Variants in ITFG1 observed in about 807,000 individuals in gnomAD.
The protein encoded by ITFG1 is integrin alpha FG-GAP repeat containing 1, also known as T-cell immunomodulatory protein.
A neutral mutation model predicts 81.8 loss-of-function variants in ITFG1; 34 were observed. The observed-to-expected ratio is 0.42, with a 90% confidence interval of 0.32 to 0.55. The LOEUF (loss-of-function observed/expected upper bound fraction) is 0.55, where lower values mean the gene tolerates loss of function less well. Among genes scored for constraint, ITFG1 ranks in the 20% least tolerant of loss-of-function variants. The probability of loss-of-function intolerance (pLI) is 0.17; values close to 1 mark genes in which losing one functional copy is unlikely to be tolerated. For synonymous variants in ITFG1, 285 were observed against 270.6 expected (o/e 1.05, Z -0.52); for missense variants, 672 against 755.4 (o/e 0.89, Z 1.29).
chr16:47,268,066 AAAAT>A (rs1415016161), intron 10 of ITFG1, among the ~76,000 whole-genome samples: 1 of 152,084 alleles, frequency 6.6e-6, no homozygotes, highest in Non-Finnish European at 1.5e-5. Context: ...AAACAGGAAA[AAAAT>A]AGAGAAAAAT....
chr16:47,254,147 G>A (rs1303098401), intron 12 of ITFG1, among the ~76,000 whole-genome samples: 3 of 151,784 alleles, frequency 2.0e-5, no homozygotes, highest in African/African-American at 4.8e-5. Context: ...TCAAGCAGAA[G>A]CTAAGATGTT....
chr16:47,396,886 T>C (rs926562830), intron 6 of ITFG1, among the ~76,000 whole-genome samples: 1 of 152,102 alleles, frequency 6.6e-6, no homozygotes, highest in African/African-American at 2.4e-5. Flanking sequence ...CGAACTGAGC[T>C]GGCTGAGGTG....
At chr16:47,338,207 C>T (rs1381857752) in intron 8 of ITFG1, among the ~76,000 whole-genome samples, 4 of 152,126 alleles carry the variant, frequency 2.6e-5, no homozygotes, top group East Asian at 1.9e-4. Flanking sequence ...GTCAGGAGTT[C>T]GAGAACTGCC....
chr16:47,171,804 C>A (rs1473100363), intron 14 of ITFG1, among the ~76,000 whole-genome samples: 2 of 152,120 alleles, frequency 1.3e-5, no homozygotes, highest in Admixed American at 6.5e-5. Context: ...ACCATTCATG[C>A]AAAGTAGTGG....
At chr16:47,262,369 T>A (rs1435362529) in intron 10 of ITFG1, among the ~76,000 whole-genome samples, 1 of 152,242 alleles carries the variant, frequency 6.6e-6, no homozygotes, top group African/African-American at 2.4e-5. Context: ...AATTCTAATT[T>A]ATAAAAATTT....
At position 47,440,331 on chromosome 16, in the gene ITFG1, C is replaced by T. The variant is rs941340597; in HGVS notation, c.560+11065G>A. ...GAACTGAACTCAGCTCTGCACCAAG[C>T]GGACCTAATAGACATCTACAGAACT... On this transcript the variant is annotated intron_variant, in intron 5 of 17. Coordinates refer to ENST00000320640, the MANE Select transcript of ITFG1 (RefSeq NM_030790.5). 5.9e-5 allele frequency among the ~76,000 whole-genome samples: 9 copies of T among 152,250 alleles called. No homozygotes were observed. The South Asian group carries it at 1.0e-3, about 18-fold the overall frequency.
chr16:47,457,353 A>G (rs1020639445), intron 2 of ITFG1, among the ~76,000 whole-genome samples: 2 of 152,054 alleles, frequency 1.3e-5, no homozygotes, highest in Non-Finnish European at 2.9e-5. Context: ...ACTGTACATT[A>G]CTTGGTTCTG....
chr16:47,389,326 A>C (rs1968502257), intron 6 of ITFG1, among the ~76,000 whole-genome samples: 2 of 152,170 alleles, frequency 1.3e-5, no homozygotes, highest in South Asian at 4.1e-4. Flanking sequence ...ACTGATTTAA[A>C]AATGCAACTG....
At chr16:47,212,289 C>T (rs920752788) in intron 14 of ITFG1, among the ~76,000 whole-genome samples, 5 of 152,120 alleles carry the variant, frequency 3.3e-5, no homozygotes, top group African/African-American at 9.7e-5. Flanking sequence ...TTGTGGCTCA[C>T]TGTAACCTTG....
chr16:47,221,869 C>A (rs533449160), intron 13 of ITFG1, among the ~76,000 whole-genome samples: 1 of 152,160 alleles, frequency 6.6e-6, no homozygotes, highest in Non-Finnish European at 1.5e-5. Context: ...AGTTTATTTG[C>A]GTAGAGGTGT....
At position 47,338,486 on chromosome 16, in the gene ITFG1, C is replaced by A. The variant is rs141127001; in HGVS notation, c.803-24663G>T. ...AGCAAACGATGGGAGTGGGTGAGAACCTGATTTCCAGAGTTACATTATAAT... is the reference window on the plus strand; with the variant it reads ...AGCAAACGATGGGAGTGGGTGAGAAACTGATTTCCAGAGTTACATTATAAT... On this transcript the variant is annotated intron_variant, in intron 8 of 17. Coordinates refer to ENST00000320640, the MANE Select transcript of ITFG1 (RefSeq NM_030790.5). 5.3e-5 allele frequency among the ~76,000 whole-genome samples: 8 copies of A among 151,962 alleles called. No individual in the cohort carries two copies. The East Asian group carries it at 1.5e-3, about 29-fold the overall frequency.
chr16:47,326,782 T>C (rs1406386242), intron 8 of ITFG1, among the ~76,000 whole-genome samples: 21 of 152,130 alleles, frequency 1.4e-4, no homozygotes, highest in Admixed American at 7.9e-4. Flanking sequence ...GTGAAGGACC[T>C]CTTCAAGGAG....
intron 12 of ITFG1, among the ~76,000 whole-genome samples, chr16:47,247,726 T>G (rs1966019557): frequency 6.6e-6 from 1 of 152,108 alleles, no homozygotes; most frequent in Non-Finnish European, 1.5e-5. Flanking sequence ...TTATAAACCT[T>G]ATAAATTATT....
At chr16:47,303,685 GT>G (rs1967112742) in intron 10 of ITFG1, among the ~76,000 whole-genome samples, 1 of 152,208 alleles carries the variant, frequency 6.6e-6, no homozygotes, top group South Asian at 2.1e-4. Flanking sequence ...ATGCAGTGGT[GT>G]AATTATAGCT....
rs531353346 is a variant in ITFG1 at position 47,429,619 on chromosome 16, T to G, written c.561-721A>C. ...TCCATTTATTTTATTACAGCTATCC[T>G]AGAGGGTGTGATACAGTATTTCACT... On this transcript the variant is annotated intron_variant, in intron 5 of 17. Transcript: ENST00000320640. Among the ~76,000 whole-genome samples, 4 of 152,322 alleles carry G rather than the reference T, an allele frequency of 2.6e-5. 1 individual carries two copies. The highest frequency in any genetic ancestry group is 7.2e-5 in the African/African-American group (3 of 41,566).
intron 6 of ITFG1, among the ~76,000 whole-genome samples, chr16:47,414,336 C>T (rs1384608852): frequency 6.6e-6 from 1 of 151,538 alleles, no homozygotes; most frequent in Non-Finnish European, 1.5e-5. Context: ...CCAGCCTGGC[C>T]AACAGGGTGA....
intron 8 of ITFG1, among the ~76,000 whole-genome samples, chr16:47,319,141 G>T (rs538174154): frequency 6.6e-6 from 1 of 152,204 alleles, no homozygotes; most frequent in African/African-American, 2.4e-5. Flanking sequence ...AAAAATATTG[G>T]TTATGTGGAC....
intron 10 of ITFG1, among the ~76,000 whole-genome samples, chr16:47,289,735 C>CT (rs1184859126): frequency 1.1e-4 from 17 of 151,764 alleles, no homozygotes; most frequent in South Asian, 6.2e-4. Flanking sequence ...GGCCTTTCCT[C>CT]TTTTTTTTAT....
chr16:47,329,776 C>T (rs1967612466), intron 8 of ITFG1, among the ~76,000 whole-genome samples: 1 of 152,050 alleles, frequency 6.6e-6, no homozygotes, highest in Non-Finnish European at 1.5e-5. Flanking sequence ...GTACCTTGCC[C>T]ATGAACACAG....
Sources: allele counts gnomAD v4.1 joint callset (sites outside exome capture counted in the v4.1 genomes callset), GRCh38; gene constraint gnomAD v4.1.1; transcripts MANE v1.5; gene names NCBI Gene and HGNC (gene_info 2026-07-23, HGNC 2026-07-21).